Variants in ASTN2 observed in about 807,000 individuals in gnomAD.
ASTN2 encodes the protein astrotactin-2.
ASTN2 carries 54 observed loss-of-function variants against 139.8 expected under a neutral mutation model. That is an observed-to-expected ratio of 0.39 (90% confidence interval 0.31 to 0.48). ASTN2 has a LOEUF of 0.48. Ranked by LOEUF, ASTN2 falls within the 20% of genes least tolerant of loss-of-function variation. The pLI is 0.95. For missense variants in ASTN2, 1,565 were observed against 1,725.1 expected (o/e 0.91, Z 1.64); for synonymous variants, 756 against 719.5 (o/e 1.05, Z -0.81).
At chr9:116,890,864 A>G (rs1833746251) in intron 10 of ASTN2, among the ~76,000 whole-genome samples, 1 of 152,192 alleles carries the variant, frequency 6.6e-6, no homozygotes, top group Non-Finnish European at 1.5e-5. Flanking sequence ...GCTCACAGAA[A>G]GAAAATGTAT....
intron 1 of ASTN2, among the ~76,000 whole-genome samples, chr9:117,320,705 C>T (rs1828298505): frequency 6.6e-6 from 1 of 152,166 alleles, no homozygotes; most frequent in Non-Finnish European, 1.5e-5. Context: ...CTGAGCAGCA[C>T]TGTCACATGT....
At chr9:117,262,439 T>G (rs1215334858) in intron 2 of ASTN2, among the ~76,000 whole-genome samples, 1 of 151,522 alleles carries the variant, frequency 6.6e-6, no homozygotes, top group African/African-American at 2.4e-5. Context: ...CTTAGCATCC[T>G]TTCCCTCTTC....
At chr9:117,190,973 C>A (rs756810742) in intron 3 of ASTN2, among the ~76,000 whole-genome samples, 1 of 152,058 alleles carries the variant, frequency 6.6e-6, no homozygotes, top group Non-Finnish European at 1.5e-5. Flanking sequence ...TAGTTCCTGA[C>A]ACACAGTAGG....
intron 3 of ASTN2, among the ~76,000 whole-genome samples, chr9:117,187,123 C>T (rs1006928529): frequency 6.6e-6 from 1 of 152,094 alleles, no homozygotes; most frequent in Non-Finnish European, 1.5e-5. Context: ...AGTGAGACTC[C>T]ATCTCAGAAA....
intron 13 of ASTN2, among the ~76,000 whole-genome samples, chr9:116,756,979 C>T (rs1012214369): frequency 1.3e-5 from 2 of 152,198 alleles, no homozygotes; most frequent in Non-Finnish European, 2.9e-5. Context: ...CTGGGCCTGT[C>T]TCTCCAAATC....
chr9:116,644,501 C>G (rs1467453269), intron 17 of ASTN2, among the ~76,000 whole-genome samples: 3 of 152,096 alleles, frequency 2.0e-5, no homozygotes, highest in Admixed American at 6.6e-5. Context: ...AAAACTGAGC[C>G]TTGGAAAAAT....
intron 15 of ASTN2, among the ~76,000 whole-genome samples, chr9:116,727,687 AG>A (rs1381595897): frequency 6.6e-6 from 1 of 152,134 alleles, no homozygotes; most frequent in Non-Finnish European, 1.5e-5. Context: ...AGATGCCCTG[AG>A]GGTCTTATCC....
At chr9:117,386,227 T>C (rs538644437) in intron 1 of ASTN2, among the ~76,000 whole-genome samples, 18 of 152,206 alleles carry the variant, frequency 1.2e-4, no homozygotes, top group African/African-American at 4.3e-4. Flanking sequence ...TAGAGTTTCA[T>C]AGAAACTCTG....
chr9:116,586,637 T>C (rs1201074732), intron 19 of ASTN2, among the ~76,000 whole-genome samples: 8 of 151,974 alleles, frequency 5.3e-5, no homozygotes, highest in Admixed American at 1.3e-4. Context: ...CTGGGCACTA[T>C]AGGAAGGGGG....
intron 7 of ASTN2, among the ~76,000 whole-genome samples, chr9:116,981,026 T>A (rs149302819): frequency 6.6e-6 from 1 of 152,240 alleles, no homozygotes; most frequent in Admixed American, 6.5e-5. Flanking sequence ...TGCTCACCAC[T>A]GCATCTCAGC....
chr9:116,630,342 T>C (rs922090494), intron 17 of ASTN2, among the ~76,000 whole-genome samples: 1 of 152,218 alleles, frequency 6.6e-6, no homozygotes, highest in Admixed American at 6.5e-5. Flanking sequence ...TATTAGGTTG[T>C]ATTGTTTCCA....
chr9:116,563,017 A>G (rs998458868), intron 19 of ASTN2, among the ~76,000 whole-genome samples: 1 of 152,108 alleles, frequency 6.6e-6, no homozygotes, highest in African/African-American at 2.4e-5. Context: ...TAAGTAGACC[A>G]TTGCAGAGTA....
At chr9:116,455,668 A>G (rs112846927) in intron 20 of ASTN2, among the ~76,000 whole-genome samples, 1 of 152,012 alleles carries the variant, frequency 6.6e-6, no homozygotes, top group African/African-American at 2.4e-5. Flanking sequence ...TGAAAGTACT[A>G]CTACTGGTAA....
At chr9:117,283,039 G>A (rs987118044) in intron 2 of ASTN2, among the ~76,000 whole-genome samples, 4 of 145,568 alleles carry the variant, frequency 2.7e-5, no homozygotes, top group African/African-American at 1.0e-4. Context: ...TAAGTTTGAT[G>A]TTATGATTTT....
intron 13 of ASTN2, among the ~76,000 whole-genome samples, chr9:116,772,669 G>T (rs948876622): frequency 6.6e-6 from 1 of 152,108 alleles, no homozygotes; most frequent in Non-Finnish European, 1.5e-5. Flanking sequence ...TTCACTATGG[G>T]TTACAATGAT....
chr9:116,693,862 A>T (rs1484451133), intron 16 of ASTN2, among the ~76,000 whole-genome samples: 1 of 152,312 alleles, frequency 6.6e-6, no homozygotes, highest in East Asian at 1.9e-4. Context: ...GTATTACAGT[A>T]ATGACCAGAT....
intron 16 of ASTN2, chr9:116,701,045 T>C: frequency 6.0e-6 from 1 of 167,228 alleles, no homozygotes. Context: ...GAAGTTAGTC[T>C]TGTTTTTAAG....
At chr9:116,866,309 C>T (rs897401958) in intron 10 of ASTN2, among the ~76,000 whole-genome samples, 2 of 152,214 alleles carry the variant, frequency 1.3e-5, no homozygotes, top group Non-Finnish European at 2.9e-5. Flanking sequence ...CAGCAGGGCA[C>T]TCCTCTCTGT....
At chr9:116,588,131 G>A (rs1220718819) in intron 19 of ASTN2, among the ~76,000 whole-genome samples, 1 of 150,086 alleles carries the variant, frequency 6.7e-6, no homozygotes, top group Non-Finnish European at 1.5e-5. Flanking sequence ...CATGAAACAT[G>A]CCAAAAATAT....
Sources: allele counts gnomAD v4.1 joint callset (sites outside exome capture counted in the v4.1 genomes callset), GRCh38; gene constraint gnomAD v4.1.1; transcripts MANE v1.5; gene names NCBI Gene and HGNC (gene_info 2026-07-23, HGNC 2026-07-21).